The following MSX1 variants were observed in gnomAD, a reference collection of about 807,000 sequenced individuals.
MSX1 encodes homeobox protein MSX-1.
In MSX1, 11 loss-of-function variants were observed where a neutral mutation model predicts 17.0. The ratio of observed to expected loss-of-function variants is 0.65; its 90% CI spans 0.41 to 1.07. The LOEUF (loss-of-function observed/expected upper bound fraction) is 1.07, where lower values mean the gene tolerates loss of function less well. MSX1 is among the 50% of genes least tolerant of loss of function. MSX1 has a pLI of 0.00. For missense variants in MSX1, 477 were observed against 440.1 expected (o/e 1.08, Z -0.75); for synonymous variants, 253 against 211.8 (o/e 1.19, Z -1.69).
intron 1 of MSX1, among the ~76,000 whole-genome samples, chr4:4,861,320 C>A (rs766425118): frequency 2.6e-5 from 4 of 152,220 alleles, no homozygotes; most frequent in Admixed American, 1.3e-4. Context: ...TCTCGGCGCC[C>A]GCCCCTCGGG....
In MSX1 at chr4:4,863,197, G is replaced by T; in HGVS notation, c.*54G>T. On this transcript the variant is annotated 3_prime_UTR_variant, in exon 2 of 2. Transcript: ENST00000382723. The stretch of plus-strand genomic sequence containing the variant: ...AGCCGATTCCTCCAGCCCTGGTGCT[G>T]TACCCCCGACGTGCTCCCCTGCTCG... The T allele has an allele frequency of 6.5e-7, 1 of 1,536,746 alleles. No individual in the cohort carries two copies. Among genetic ancestry groups the T allele is most frequent in the East Asian group, 2.4e-5 (1 of 42,524 alleles).
chr4:4,862,146 G>T (rs1185906536), intron 1 of MSX1, among the ~76,000 whole-genome samples: 1 of 152,236 alleles, frequency 6.6e-6, no homozygotes, highest in Non-Finnish European at 1.5e-5. Flanking sequence ...TCCCGTAGGA[G>T]CGAAGTGTTC....
intron 1 of MSX1, among the ~76,000 whole-genome samples, chr4:4,861,755 C>G (rs1475714006): frequency 6.6e-6 from 1 of 152,232 alleles, no homozygotes; most frequent in Non-Finnish European, 1.5e-5. Context: ...ACTAGTCCTG[C>G]GCTCTGATGC....
intron 1 of MSX1, 100 bp downstream of exon 1, chr4:4,860,468 C>T (rs1035003867): frequency 1.5e-5 from 22 of 1,437,068 alleles, no homozygotes; most frequent in Non-Finnish European, 2.0e-5. Flanking sequence ...GCCTGCGTAC[C>T]TGCAGCCGGT....
chr4:4,860,723 C>G (rs951500871), intron 1 of MSX1, among the ~76,000 whole-genome samples: 1 of 152,226 alleles, frequency 6.6e-6, no homozygotes, highest in Non-Finnish European at 1.5e-5. Flanking sequence ...GTGTGTGGTG[C>G]GGTATCTTCC....
At chr4:4,860,505 G>C (rs918789989) in intron 1 of MSX1, 137 bp downstream of exon 1, 9 of 1,117,524 alleles carry the variant, frequency 8.1e-6, no homozygotes, top group Admixed American at 4.4e-5. Flanking sequence ...CTGCAAGGCC[G>C]GGTCTTGCGC....
rs1265724633 is a variant in MSX1 at position 4,860,080 on chromosome 4, T to G, written c.181T>G (p.Phe61Val). ...CAAAGTGTCCCCTTCGCTCCTGCCC[T>G]TCAGCGTGGAGGCGCTCATGGCCGA... ...KPKVSPSLLP[F>V]SVEALMADHR... Residue 61 changes from phenylalanine (F) to valine (V), a missense_variant, in exon 1 of 2, where the codon TTC becomes GTC. Around this residue, in one of 3 missense-constraint regions of MSX1, gnomAD observed 355 missense variants for 306.1 expected, o/e 1.16. Coordinates refer to ENST00000382723, the MANE Select transcript of MSX1 (RefSeq NM_002448.3). The G allele has an allele frequency of 6.6e-7, 1 of 1,522,364 alleles. No homozygotes were observed. The highest frequency in any genetic ancestry group is 8.8e-7 in the Non-Finnish European group (1 of 1,137,154). The allele number at this position is 1,522,364 out of a possible 1,614,324, so 94.3% of individuals were successfully genotyped here.
At position 4,863,912 on chromosome 4, in the gene MSX1, A is replaced by T. The variant is rs1737992319; in HGVS notation, c.*769A>T. The T allele has an allele frequency of 1.3e-5, 2 of 152,530 alleles. No homozygotes were observed. Among genetic ancestry groups the T allele is most frequent in the Non-Finnish European group, 2.9e-5 (2 of 68,012 alleles). The allele number at this position is 152,530 out of a possible 1,614,324, so 9.4% of individuals were successfully genotyped here. Reference sequence around the variant, plus strand: ...TTTATATTATAGCTATATTTGTTAAATAAATTAATTTTAAGCTACAAAAAT... The same window carrying T: ...TTTATATTATAGCTATATTTGTTAATTAAATTAATTTTAAGCTACAAAAAT... On this transcript the variant is annotated 3_prime_UTR_variant, in exon 2 of 2. Transcript: ENST00000382723.
Position 4,859,979 on chromosome 4 carries a change from G to T in MSX1, c.80G>T (p.Gly27Val), listed in dbSNP as rs1412105867. ...TCCGCCTTCGGCAAGCCGGCGGGGGGAGGCGCGGGCCAGGCCCCCAGCGCC... is the reference window on the plus strand; with the variant it reads ...TCCGCCTTCGGCAAGCCGGCGGGGGTAGGCGCGGGCCAGGCCCCCAGCGCC... ...EDSAFGKPAGGGAGQAPSAAA... is the reference protein window; with the variant it reads ...EDSAFGKPAGVGAGQAPSAAA... Residue 27 changes from glycine to valine, a missense_variant, in exon 1 of 2, where the codon GGA becomes GTA. By Grantham distance (109) the Gly-to-Val change is moderately radical. Coordinates refer to ENST00000382723, the MANE Select transcript of MSX1 (RefSeq NM_002448.3). 1 of 1,489,322 alleles carries T rather than the reference G, an allele frequency of 6.7e-7. No homozygotes were observed. Among genetic ancestry groups the T allele is most frequent in the East Asian group, 2.8e-5 (1 of 35,438 alleles). 92.3% of individuals were successfully genotyped at this position (1,489,322 alleles called of 1,614,324 possible).
intron 1 of MSX1, 150 bp downstream of exon 1, chr4:4,860,518 C>G (rs1268799672): frequency 2.1e-6 from 2 of 960,284 alleles, no homozygotes; most frequent in South Asian, 1.5e-5. Flanking sequence ...TCTTGCGCCT[C>G]CCTCCACTCC....
In MSX1 at chr4:4,859,995, C is replaced by A; in HGVS notation, c.96C>A (p.Ala32=). The change falls in exon 1 of 2, where the codon GCC becomes GCA. Residue 32 remains alanine, a synonymous_variant. Transcript: ENST00000382723. ...CGGCGGGGGGAGGCGCGGGCCAGGC[C>A]CCCAGCGCCGCCGCGGCCACGGCAG... is the stretch of plus-strand genomic sequence containing the variant. ...GKPAGGGAGQ[A]PSAAAATAAA... is the part of the protein sequence containing the mutation. 1.3e-6 allele frequency: 2 copies of A among 1,495,616 alleles called. No individual in the cohort carries two copies. Among genetic ancestry groups the A allele is most frequent in the African/African-American group, 1.5e-5 (1 of 68,422 alleles). 92.6% of individuals were successfully genotyped at this position (1,495,616 alleles called of 1,614,324 possible). A position where few individuals can be genotyped will look rare whatever the true frequency, so the allele number is the denominator to read the frequency against.
intron 1 of MSX1, 132 bp downstream of exon 1, chr4:4,860,500 A>G (rs1577535424): frequency 8.5e-7 from 1 of 1,175,866 alleles, no homozygotes; most frequent in South Asian, 1.4e-5. Flanking sequence ...GTGGGCTGCA[A>G]GGCCGGGTCT....
At chr4:4,861,878 TC>T (rs1330204633) in intron 1 of MSX1, among the ~76,000 whole-genome samples, 1 of 130,142 alleles carries the variant, frequency 7.7e-6, no homozygotes, top group Non-Finnish European at 1.6e-5. Flanking sequence ...ATCTCAACAC[TC>T]CCCCCGCAAC....
chr4:4,863,174 C>A lies in MSX1; in HGVS notation c.*31C>A, dbSNP rs751862250. ...CCCAGGTCGCCCACCTGTGGGCCAG[C>A]CGATTCCTCCAGCCCTGGTGCTGTA... On this transcript the variant is annotated 3_prime_UTR_variant, in exon 2 of 2. Transcript: ENST00000382723. 14 of 1,567,826 alleles carry A rather than the reference C, an allele frequency of 8.9e-6. No homozygotes were observed. Among genetic ancestry groups the A allele is most frequent in the Non-Finnish European group, 1.2e-5 (14 of 1,163,592 alleles).
rs1335381383 is a variant in MSX1, at chr4:4,862,714, C to T, written c.483C>T (p.Pro161=). Residue 161 remains proline (P), a synonymous_variant, in exon 2 of 2, where the codon CCC becomes CCT. Transcript: ENST00000382723. ...FSPPPARRLS[P]PACTLRKHKT... ...TTCGGCCCTCAGGGCGGCTGAGCCC[C>T]CCAGCCTGCACCCTCCGCAAACACA... 1 of 1,613,040 alleles carries T rather than the reference C, an allele frequency of 6.2e-7. No homozygotes were observed. Among genetic ancestry groups the T allele is most frequent in the Admixed American group, 1.7e-5 (1 of 60,038 alleles).
intron 1 of MSX1, 36 bp from the exon 2 acceptor site, chr4:4,862,665 C>A: frequency 6.2e-7 from 1 of 1,601,538 alleles, no homozygotes; most frequent in South Asian, 1.1e-5. Flanking sequence ...ATGCTTCTCT[C>A]TTAACCCCTT....
Position 4,859,916 on chromosome 4 carries a change from A to C in MSX1, c.17A>C (p.Asp6Ala). 2 of 1,496,770 alleles carry C rather than the reference A, an allele frequency of 1.3e-6. No individual in the cohort carries two copies. Among genetic ancestry groups the C allele is most frequent in the Non-Finnish European group, 1.8e-6 (2 of 1,123,870 alleles). The allele number at this position is 1,496,770 out of a possible 1,614,324, so 92.7% of individuals were successfully genotyped here. The change falls in exon 1 of 2, where the codon GAC becomes GCC. Residue 6 changes from aspartate (D) to alanine (A), a missense_variant. Around this residue, in one of 3 missense-constraint regions of MSX1, gnomAD observed 355 missense variants for 306.1 expected, o/e 1.16. Transcript: ENST00000382723. ...CGGCTCTGCATGGCCCCGGCTGCTG[A>C]CATGACTTCTTTGCCACTCGGTGTC... Reference protein sequence around the residue: MAPAADMTSLPLGVKV... With the variant: MAPAAAMTSLPLGVKV...
Position 4,862,417 on chromosome 4 carries a change from C to A in MSX1, c.470-284C>A, listed in dbSNP as rs935310995. On this transcript the variant is annotated intron_variant, in intron 1 of 1. Coordinates refer to ENST00000382723, the MANE Select transcript of MSX1 (RefSeq NM_002448.3). ...CAAAGGTGATTTCACATCTTCCCAG[C>A]TGTTTAGGCCTAAGATGTGGACATC... 11 of 626,220 alleles carry A rather than the reference C, an allele frequency of 1.8e-5. 1 individual carries two copies. The highest frequency in any genetic ancestry group is 4.5e-5 in the Admixed American group (2 of 44,134). 38.8% of individuals were successfully genotyped at this position (626,220 alleles called of 1,614,324 possible). A position where few individuals can be genotyped will look rare whatever the true frequency, so the allele number is the denominator to read the frequency against.
At chr4:4,862,653 C>T (rs1325251608) in intron 1 of MSX1, 48 bp from the exon 2 acceptor site, 3 of 1,596,092 alleles carry the variant, frequency 1.9e-6, no homozygotes, top group Admixed American at 3.3e-5. Context: ...GATCATGCTC[C>T]AATGCTTCTC....
Sources: allele counts gnomAD v4.1 joint callset (sites outside exome capture counted in the v4.1 genomes callset), GRCh38; gene constraint gnomAD v4.1.1; regional missense constraint gnomAD v4.1.1; transcripts MANE v1.5; gene names NCBI Gene and HGNC (gene_info 2026-07-23, HGNC 2026-07-21).